HEMK1: variants seen among roughly 807,000 people sequenced by gnomAD.
HEMK1 encodes the protein MTRF1L release factor glutamine methyltransferase.
A neutral mutation model predicts 47.9 loss-of-function variants in HEMK1; 36 were observed. The ratio of observed to expected loss-of-function variants is 0.75; its 90% CI spans 0.58 to 0.99. HEMK1 has a LOEUF of 0.99. HEMK1 is among the 50% of genes least tolerant of loss of function. The pLI is 0.00. For synonymous variants in HEMK1, 153 were observed against 165.4 expected (o/e 0.93, Z 0.57); for missense variants, 383 against 434.5 (o/e 0.88, Z 1.05).
At chr3:50,572,292 G>GCCC in intron 4 of HEMK1, 84 bp downstream of exon 4, 1 of 1,514,088 alleles carries the variant, frequency 6.6e-7, no homozygotes, top group Non-Finnish European at 8.9e-7. Context: ...CCTCCAGGGG[G>GCCC]CACTGGGGCC....
chr3:50,582,405 GC>G lies in HEMK1; in HGVS notation c.*1991del, dbSNP rs2107513559. ...AGCCTGCAGCCACTGGCTTGATTGG[GC>G]CCTGGACGTTGAGCCCAGATGTTGG... On this transcript the variant is annotated 3_prime_UTR_variant, in exon 11 of 11. Transcript: ENST00000232854. The G allele has an allele frequency of 6.6e-6, 1 of 152,340 alleles. No individual in the cohort carries two copies. Among genetic ancestry groups the G allele is most frequent in the East Asian group, 1.9e-4 (1 of 5,176 alleles). 9.4% of individuals were successfully genotyped at this position (152,340 alleles called of 1,614,324 possible). A position where few individuals can be genotyped will look rare whatever the true frequency, so the allele number is the denominator to read the frequency against.
At chr3:50,572,021 T>G in intron 3 of HEMK1, 94 bp from the exon 4 acceptor site, 1 of 1,575,790 alleles carries the variant, frequency 6.3e-7, no homozygotes, top group Non-Finnish European at 8.6e-7. Context: ...TGGTCTTGCC[T>G]GATACCTTTG....
At chr3:50,571,577 GC>G in intron 2 of HEMK1, 132 bp from the exon 3 acceptor site, 1 of 868,324 alleles carries the variant, frequency 1.2e-6, no homozygotes, top group Admixed American at 1.8e-5. Context: ...GCAGGATGCT[GC>G]CCCCTCTGGG....
intron 7 of HEMK1, 99 bp from the exon 8 acceptor site, chr3:50,578,722 G>A: frequency 1.3e-6 from 1 of 763,972 alleles, no homozygotes. Context: ...GCAGGCCCAA[G>A]GTGTGGCATG....
chr3:50,571,040 A>G lies in HEMK1; in HGVS notation c.-65A>G, dbSNP rs1461091025. 4.6e-6 allele frequency: 6 copies of G among 1,296,430 alleles called. No individual in the cohort carries two copies. In the African/African-American group the frequency reaches 8.9e-5, roughly 19 times the overall value. 80.3% of individuals were successfully genotyped at this position (1,296,430 alleles called of 1,614,324 possible). On this transcript the variant is annotated 5_prime_UTR_variant, in exon 2 of 11. Transcript: ENST00000232854. ...AGGGGCCACTCTCAGCACTCACCTC[A>G]GCAGCTGACATCATAAAGCAGACTT...
chr3:50,581,330 G>A lies in HEMK1; in HGVS notation c.*913G>A, dbSNP rs1250684159. The A allele has an allele frequency of 2.6e-5, 4 of 152,300 alleles. No homozygotes were observed. The highest frequency in any genetic ancestry group is 9.7e-5 in the African/African-American group (4 of 41,448). The allele number at this position is 152,300 out of a possible 1,614,324, so 9.4% of individuals were successfully genotyped here. ...ACAGGAAATCTCTAGGTTGGTGAGTGCTGGTGATGTGAGCCTACATCAGGG... is the reference window on the plus strand; with the variant it reads ...ACAGGAAATCTCTAGGTTGGTGAGTACTGGTGATGTGAGCCTACATCAGGG... On this transcript the variant is annotated 3_prime_UTR_variant, in exon 11 of 11. Coordinates refer to ENST00000232854, the MANE Select transcript of HEMK1 (RefSeq NM_016173.5).
chr3:50,580,239 T>C lies in HEMK1; in HGVS notation c.980+10T>C. The C allele has an allele frequency of 6.2e-7, 1 of 1,610,388 alleles. No individual in the cohort carries two copies. The highest frequency in any genetic ancestry group is 8.5e-7 in the Non-Finnish European group (1 of 1,176,604). On this transcript the variant is annotated intron_variant, in intron 10 of 10. Coordinates refer to ENST00000232854, the MANE Select transcript of HEMK1 (RefSeq NM_016173.5). ...GGGACTTCTGTGGGAGGTAAGATCC[T>C]AGCCCCCTTTAGCCCTGTAGCATGC...
chr3:50,579,025 G>A, intron 8 of HEMK1, 99 bp downstream of exon 8: 1 of 849,370 alleles, frequency 1.2e-6, no homozygotes, highest in Non-Finnish European at 1.9e-6. Flanking sequence ...AGGGGAGTTG[G>A]TGCTGAAATG....
intron 4 of HEMK1, among the ~76,000 whole-genome samples, chr3:50,576,840 G>A (rs1701647414): frequency 6.6e-6 from 1 of 152,236 alleles, no homozygotes; most frequent in Non-Finnish European, 1.5e-5. Flanking sequence ...CACGAGGTGG[G>A]CTATCCTCAA....
At chr3:50,571,610 G>A in intron 2 of HEMK1, 100 bp from the exon 3 acceptor site, 2 of 1,110,544 alleles carry the variant, frequency 1.8e-6, no homozygotes, top group Non-Finnish European at 2.8e-6. Flanking sequence ...AGAGGGTTGG[G>A]CCTCCAGACC....
At position 50,588,904 on chromosome 3, in the gene HEMK1, C is replaced by T. The variant is rs971612951; in HGVS notation, c.*8487C>T. The T allele has an allele frequency of 6.6e-6, 1 of 152,270 alleles. No homozygotes were observed. The highest frequency in any genetic ancestry group is 2.4e-5 in the African/African-American group (1 of 41,472). The allele number at this position is 152,270 out of a possible 1,614,324, so 9.4% of individuals were successfully genotyped here. ...TTGCTCACTACTCTCTTGGCCCGCA[C>T]TGAAAGCCACTGTTTCTTCATCATT... On this transcript the variant is annotated 3_prime_UTR_variant, in exon 11 of 11. Coordinates refer to ENST00000232854, the MANE Select transcript of HEMK1 (RefSeq NM_016173.5).
chr3:50,577,826 G>A lies in HEMK1; in HGVS notation c.615G>A (p.Arg205=), dbSNP rs749445129. 9 of 1,613,536 alleles carry A rather than the reference G, an allele frequency of 5.6e-6. No individual in the cohort carries two copies. Among genetic ancestry groups the A allele is most frequent in the Admixed American group, 5.0e-5 (3 of 59,990 alleles). The change falls in exon 7 of 11, where the codon AGG becomes AGA. Residue 205 remains arginine, a splice_region_variant and synonymous_variant. Transcript: ENST00000232854. Reference sequence around the variant, plus strand: ...TACCCCTTTCTCCCTGTCTGTGTAGGCTTCGGTTGCAGGACAGGATTTGGA... The same window carrying A: ...TACCCCTTTCTCCCTGTCTGTGTAGACTTCGGTTGCAGGACAGGATTTGGA... ...AISLTHENAQ[R]LRLQDRIWII... is the part of the protein sequence containing the mutation.
intron 4 of HEMK1, among the ~76,000 whole-genome samples, chr3:50,572,884 G>A (rs1470593011): frequency 6.6e-6 from 1 of 152,236 alleles, no homozygotes; most frequent in African/African-American, 2.4e-5. Flanking sequence ...ACAGAGCTGG[G>A]AGCCAGAGGG....
At position 50,578,893 on chromosome 3, in the gene HEMK1, AG is replaced by A; in HGVS notation, c.739del (p.Asp247ThrfsTer39). 5 of 1,613,048 alleles carry A rather than the reference AG, an allele frequency of 3.1e-6. No homozygotes were observed. Among genetic ancestry groups the A allele is most frequent in the Non-Finnish European group, 3.4e-6 (4 of 1,179,572 alleles). ...IVSNPPYVFH[Q>X]DMEQLAPEIR... ...AGCAACCCTCCCTACGTCTTCCACC[AG>A]GACATGGAGCAGCTGGCCCCTGAGA... On this transcript the variant is annotated frameshift_variant, in exon 8 of 11. Transcript: ENST00000232854. LOFTEE classifies it high-confidence loss of function.
chr3:50,585,565 G>A lies in HEMK1; in HGVS notation c.*5148G>A, dbSNP rs897115543. On this transcript the variant is annotated 3_prime_UTR_variant, in exon 11 of 11. Coordinates refer to ENST00000232854, the MANE Select transcript of HEMK1 (RefSeq NM_016173.5). ...CACCATCCCACCCAGCCAAGGCTTG[G>A]GGCTCCTGAAGCCAGTCCTAACCCA... The A allele has an allele frequency of 6.6e-6, 1 of 152,230 alleles. No homozygotes were observed. The highest frequency in any genetic ancestry group is 1.5e-5 in the Non-Finnish European group (1 of 68,070). The allele number at this position is 152,230 out of a possible 1,614,324, so 9.4% of individuals were successfully genotyped here.
rs1385377523 is a variant in HEMK1 at position 50,594,527 on chromosome 3, G to A, written c.*14110G>A. ...TTCAGGCAGGCCCCCATCACAGTCT[G>A]GTGGGGTCCAAGCAGTTCACATCCC... is the stretch of plus-strand genomic sequence containing the variant. On this transcript the variant is annotated 3_prime_UTR_variant, in exon 11 of 11. Transcript: ENST00000232854. The A allele has an allele frequency of 6.6e-6, 1 of 152,310 alleles. No individual in the cohort carries two copies. The highest frequency in any genetic ancestry group is 1.9e-4 in the East Asian group (1 of 5,202). The allele number at this position is 152,310 out of a possible 1,614,324, so 9.4% of individuals were successfully genotyped here. A position where few individuals can be genotyped will look rare whatever the true frequency, so the allele number is the denominator to read the frequency against.
chr3:50,577,505 A>G lies in HEMK1; in HGVS notation c.550-4A>G. On this transcript the variant is annotated splice_region_variant and splice_polypyrimidine_tract_variant and intron_variant, in intron 5 of 10. Coordinates refer to ENST00000232854, the MANE Select transcript of HEMK1 (RefSeq NM_016173.5). ...CACATATCCTCTGTTTGTTCTTGGGACAGAGCCGAGTCATTGCTGTGGATA... is the reference window on the plus strand; with the variant it reads ...CACATATCCTCTGTTTGTTCTTGGGGCAGAGCCGAGTCATTGCTGTGGATA... 1 of 1,613,928 alleles carries G rather than the reference A, an allele frequency of 6.2e-7. No homozygotes were observed. The highest frequency in any genetic ancestry group is 8.5e-7 in the Non-Finnish European group (1 of 1,179,864).
intron 6 of HEMK1, 123 bp downstream of exon 6, chr3:50,577,696 TG>T: frequency 7.4e-7 from 1 of 1,347,064 alleles, no homozygotes; most frequent in Non-Finnish European, 1.1e-6. Flanking sequence ...ATGGGTCCCA[TG>T]GGGTTCTGAA....
Position 50,581,410 on chromosome 3 carries a change from TG to T in HEMK1, c.*994del, listed in dbSNP as rs58063593. 0.032 allele frequency: 4,814 copies of T among 152,334 alleles called. 575 individuals carry two copies. The highest frequency in any genetic ancestry group is 0.23 in the East Asian group (1,178 of 5,164). The allele number at this position is 152,334 out of a possible 1,614,324, so 9.4% of individuals were successfully genotyped here. A position where few individuals can be genotyped will look rare whatever the true frequency, so the allele number is the denominator to read the frequency against. Reference sequence around the variant, plus strand: ...TGTCTCATTCCACTAGACTGCCCCCTGCCACCCTGGCACTTCCCAGGGCCTG... The same window carrying T: ...TGTCTCATTCCACTAGACTGCCCCCTCCACCCTGGCACTTCCCAGGGCCTG... On this transcript the variant is annotated 3_prime_UTR_variant, in exon 11 of 11. Coordinates refer to ENST00000232854, the MANE Select transcript of HEMK1 (RefSeq NM_016173.5).
Sources: allele counts gnomAD v4.1 joint callset (sites outside exome capture counted in the v4.1 genomes callset), GRCh38; gene constraint gnomAD v4.1.1; transcripts MANE v1.5; gene names NCBI Gene and HGNC (gene_info 2026-07-23, HGNC 2026-07-21).